PRRC2C: variants seen among roughly 807,000 people sequenced by gnomAD.
PRRC2C encodes the protein proline rich coiled-coil 2C.
Under a neutral mutation model 317.2 loss-of-function variants are expected in PRRC2C, and 72 were observed. The ratio of observed to expected loss-of-function variants is 0.23; its 90% confidence interval spans 0.19 to 0.28. The LOEUF is 0.28. Among genes scored for constraint, PRRC2C ranks in the 10% least tolerant of loss-of-function variants. The pLI is 1.00. For missense variants in PRRC2C, 3,074 were observed against 3,459.7 expected (o/e 0.89, Z 2.80); for synonymous variants, 1,296 against 1,205.9 (o/e 1.07, Z -1.55).
At chr1:171,568,452 G>C in intron 23 of PRRC2C, 113 bp downstream of exon 23, 3 of 1,400,006 alleles carry the variant, frequency 2.1e-6, no homozygotes, top group Non-Finnish European at 2.8e-6. Context: ...CTCAGGGAAA[G>C]AGTTGATAGT....
chr1:171,501,152 C>A (rs1403728453), intron 1 of PRRC2C, among the ~76,000 whole-genome samples: 4 of 152,122 alleles, frequency 2.6e-5, no homozygotes, highest in African/African-American at 9.7e-5. Flanking sequence ...CTGACTTGGC[C>A]TCCCAAGGTG....
rs570204267 is a variant in PRRC2C, at chr1:171,514,714, G to A, written c.400+69G>A. On this transcript the variant is annotated intron_variant, in intron 4 of 34. Coordinates refer to ENST00000647382, the MANE Select transcript of PRRC2C (RefSeq NM_001387844.1). ...ACTGAACAGCCATGCAGGAGATAAG[G>A]GGTGAACTGTGTTTTGGTAGAGCCA... The A allele has an allele frequency of 8.0e-5, 104 of 1,293,184 alleles. 1 individual carries two copies. In the South Asian group the frequency reaches 1.3e-3, roughly 16 times the overall value. 80.1% of individuals were successfully genotyped at this position (1,293,184 alleles called of 1,614,324 possible). A position where few individuals can be genotyped will look rare whatever the true frequency, so the allele number is the denominator to read the frequency against.
intron 6 of PRRC2C, among the ~76,000 whole-genome samples, chr1:171,520,631 A>G (rs1020553970): frequency 6.6e-6 from 1 of 152,176 alleles, no homozygotes; most frequent in Non-Finnish European, 1.5e-5. Flanking sequence ...ATGCAACTTT[A>G]GCTATGAACA....
At chr1:171,537,890 GT>G (rs1045958827) in intron 15 of PRRC2C, among the ~76,000 whole-genome samples, 6 of 150,920 alleles carry the variant, frequency 4.0e-5, no homozygotes, top group African/African-American at 1.5e-4. Flanking sequence ...GGGGTTTTTT[GT>G]TTTGTTTTTG....
At chr1:171,585,273 G>A (rs1387740119) in intron 30 of PRRC2C, among the ~76,000 whole-genome samples, 1 of 152,130 alleles carries the variant, frequency 6.6e-6, no homozygotes, top group African/African-American at 2.4e-5. Context: ...AGACCATCTG[G>A]CAGGTTAGCT....
At chr1:171,566,976 A>G (rs925612548) in intron 22 of PRRC2C, 133 bp downstream of exon 22, 3 of 1,037,490 alleles carry the variant, frequency 2.9e-6, no homozygotes, top group Non-Finnish European at 4.0e-6. Context: ...CGCAAAGAAG[A>G]TTTTGTTTCA....
intron 20 of PRRC2C, among the ~76,000 whole-genome samples, chr1:171,564,039 T>C (rs1457182627): frequency 1.3e-5 from 2 of 152,220 alleles, no homozygotes; most frequent in East Asian, 3.8e-4. Context: ...GTGTTCTTTA[T>C]GTTTTCTGGA....
Position 171,574,979 on chromosome 1 carries a change from G to A in PRRC2C, c.6806G>A (p.Gly2269Glu), listed in dbSNP as rs767585640. The change falls in exon 25 of 35, where the codon GGG (glycine) becomes GAG (glutamate). Residue 2269 changes from glycine (G) to glutamate (E), a missense_variant. Around this residue, in one of 11 missense-constraint regions of PRRC2C, gnomAD observed 490 missense variants for 663.1 expected, o/e 0.74. Transcript: ENST00000647382. The part of the protein sequence containing the change: ...WENSPNVREK[G>E]SPVTSTAPPI... ...AATTCTCCAAATGTAAGGGAAAAGG[G>A]GTCTCCAGTAACTTCCACAGCACCT... 1 of 1,613,832 alleles carries A rather than the reference G, an allele frequency of 6.2e-7. No individual in the cohort carries two copies. Among genetic ancestry groups the A allele is most frequent in the South Asian group, 1.1e-5 (1 of 91,056 alleles).
At chr1:171,527,611 C>CCGGTTGTGGTGG (rs1674882463) in intron 10 of PRRC2C, among the ~76,000 whole-genome samples, 180 bp from the exon 11 acceptor site, 5 of 151,862 alleles carry the variant, frequency 3.3e-5, no homozygotes, top group Admixed American at 3.3e-4. Context: ...GCAAAATTAC[C>CCGGTTGTGGTGG]CAGTTGTGGT....
chr1:171,503,615 T>C (rs1015215931), intron 1 of PRRC2C, among the ~76,000 whole-genome samples: 12 of 152,228 alleles, frequency 7.9e-5, no homozygotes, highest in Non-Finnish European at 1.6e-4. Context: ...AAACCTGATA[T>C]AATCATTCTA....
chr1:171,524,826 A>G lies in PRRC2C; in HGVS notation c.1061A>G (p.Asp354Gly), dbSNP rs1444650727. The change falls in exon 10 of 35, where the codon GAT (aspartate) becomes GGT (glycine). Residue 354 changes from aspartate (D) to glycine (G), a missense_variant. Asp to Gly is a moderately conservative substitution (Grantham distance 94). Around this residue, in one of 11 missense-constraint regions of PRRC2C, gnomAD observed 1,320 missense variants for 1,395.7 expected, o/e 0.95. Coordinates refer to ENST00000647382, the MANE Select transcript of PRRC2C (RefSeq NM_001387844.1). Reference protein sequence around the residue: ...SNSPKENNSEDQGSKASENNE... With the variant: ...SNSPKENNSEGQGSKASENNE... The stretch of plus-strand genomic sequence containing the variant: ...TCTGCATTTTGATTTTTCAGTGAGG[A>G]TCAAGGTTCAAAAGCCTCTGAAAAC... 1 of 1,564,634 alleles carries G rather than the reference A, an allele frequency of 6.4e-7. No individual in the cohort carries two copies. The highest frequency in any genetic ancestry group is 1.2e-5 in the South Asian group (1 of 84,312).
In PRRC2C at chr1:171,494,136, C is replaced by T. The variant is rs1220469903; in HGVS notation, c.-58+8401C>T. On this transcript the variant is annotated intron_variant, in intron 1 of 34. Coordinates refer to ENST00000647382, the MANE Select transcript of PRRC2C (RefSeq NM_001387844.1). ...ATACATAAGTTGTTAAAAAGAATGC[C>T]CTGGCAATCACCTCATTAAGTAATC... is the stretch of plus-strand genomic sequence containing the variant. 2.0e-5 allele frequency among the ~76,000 whole-genome samples: 3 copies of T among 152,216 alleles called. No individual in the cohort carries two copies. The East Asian group carries it at 5.8e-4, about 29-fold the overall frequency.
intron 24 of PRRC2C, among the ~76,000 whole-genome samples, chr1:171,571,785 C>T (rs1684811795): frequency 6.6e-6 from 1 of 152,026 alleles, no homozygotes; most frequent in African/African-American, 2.4e-5. Flanking sequence ...ATGATTGTTA[C>T]CAAAATATTA....
In PRRC2C at chr1:171,528,517, T is replaced by A. The variant is rs1254562585; in HGVS notation, c.1254+673T>A. Among the ~76,000 whole-genome samples, 3 of 152,104 alleles carry A rather than the reference T, an allele frequency of 2.0e-5. No homozygotes were observed. The East Asian group carries it at 5.8e-4, about 30-fold the overall frequency. On this transcript the variant is annotated intron_variant, in intron 11 of 34. Coordinates refer to ENST00000647382, the MANE Select transcript of PRRC2C (RefSeq NM_001387844.1). ...CGTGTTAGCCAGGACGGTCTCGATA[T>A]CCTGACCTCGTGATCCGCCCACCTT...
At chr1:171,574,707 T>A (rs970600522) in intron 24 of PRRC2C, among the ~76,000 whole-genome samples, 2 of 152,102 alleles carry the variant, frequency 1.3e-5, no homozygotes, top group South Asian at 2.1e-4. Flanking sequence ...AATGATACAC[T>A]CTCACACTCC....
Position 171,591,700 on chromosome 1 carries a change from ACCT to A in PRRC2C, c.8554_8556del (p.Pro2852del), listed in dbSNP as rs749667165. ...AGAAAGTGGACAGTGATTCAAGTAA[ACCT>A]CCTGAAACACTGACCGACCCTCCTG... On this transcript the variant is annotated inframe_deletion, in exon 35 of 35. Transcript: ENST00000647382. 5 of 1,613,698 alleles carry A rather than the reference ACCT, an allele frequency of 3.1e-6. No individual in the cohort carries two copies. The highest frequency in any genetic ancestry group is 4.2e-6 in the Non-Finnish European group (5 of 1,179,812).
At chr1:171,565,781 G>A (rs564658782) in intron 20 of PRRC2C, among the ~76,000 whole-genome samples, 2 of 152,328 alleles carry the variant, frequency 1.3e-5, no homozygotes, top group Admixed American at 6.5e-5. Context: ...TGATTGCTTA[G>A]ATGTTTGCTC....
chr1:171,591,569 T>C lies in PRRC2C; in HGVS notation c.8437-18T>C, dbSNP rs1363040975. The C allele has an allele frequency of 6.2e-7, 1 of 1,606,794 alleles. No individual in the cohort carries two copies. On this transcript the variant is annotated intron_variant, in intron 34 of 34. Transcript: ENST00000647382. ...GTAATGCTGCAGTATTTTCAGTTGT[T>C]CTTTCTCATTTTTTAAGGCAAAGCA...
chr1:171,540,967 G>A lies in PRRC2C; in HGVS notation c.3501G>A (p.Leu1167=), dbSNP rs757074085. Reference sequence around the variant, plus strand: ...CAGCAGTTAAAAAAGAATCAACTTTGCCTCCCAGGACCTATTGGAAAGAAG... The same window carrying A: ...CAGCAGTTAAAAAAGAATCAACTTTACCTCCCAGGACCTATTGGAAAGAAG... The part of the protein sequence containing the change: ...SRPAVKKEST[L]PPRTYWKEAR... Residue 1167 remains leucine, a synonymous_variant, in exon 16 of 35, where the codon TTG becomes TTA. Transcript: ENST00000647382. 3 of 1,613,960 alleles carry A rather than the reference G, an allele frequency of 1.9e-6. No individual in the cohort carries two copies. The highest frequency in any genetic ancestry group is 2.5e-6 in the Non-Finnish European group (3 of 1,179,872).
Sources: gnomAD v4.1 joint callset for allele counts (sites outside exome capture counted in the v4.1 genomes callset) on GRCh38, gnomAD v4.1.1 for gene constraint, gnomAD v4.1.1 regional missense constraint, MANE v1.5 for transcripts, NCBI Gene and HGNC (gene_info 2026-07-23, HGNC 2026-07-21) for gene names.